The following WTIP variants were observed in gnomAD, a reference collection of about 807,000 sequenced individuals.
The protein encoded by WTIP is WT1 interacting protein.
Under a neutral mutation model 41.7 loss-of-function variants are expected in WTIP, and 23 were observed. The observed-to-expected ratio is 0.55, with a 90% CI of 0.40 to 0.78. The LOEUF (loss-of-function observed/expected upper bound fraction) is 0.78. Ranked by LOEUF, WTIP falls within the 30% of genes least tolerant of loss-of-function variation. WTIP has a pLI of 0.00. For missense variants in WTIP, 619 were observed against 610.5 expected (o/e 1.01, Z -0.15); for synonymous variants, 314 against 269.9 (o/e 1.16, Z -1.60).
chr19:34,486,666 G>A (rs1300272435), intron 1 of WTIP, among the ~76,000 whole-genome samples: 1 of 151,392 alleles, frequency 6.6e-6, no homozygotes, highest in Non-Finnish European at 1.5e-5. Flanking sequence ...GCGCCTGGCC[G>A]CCTTTGTCAG....
At chr19:34,486,598 C>A (rs894154328) in intron 1 of WTIP, among the ~76,000 whole-genome samples, 2 of 152,094 alleles carry the variant, frequency 1.3e-5, no homozygotes, top group Non-Finnish European at 2.9e-5. Context: ...CATCTCCTGA[C>A]CTCGTGATCT....
Position 34,482,039 on chromosome 19 carries a change from A to T in WTIP, c.65A>T (p.Glu22Val). 1 of 1,028,838 alleles carries T rather than the reference A, an allele frequency of 9.7e-7. No individual in the cohort carries two copies. The highest frequency in any genetic ancestry group is 1.2e-6 in the Non-Finnish European group (1 of 859,824). The allele number at this position is 1,028,838 out of a possible 1,614,324, so 63.7% of individuals were successfully genotyped here. A position where few individuals can be genotyped will look rare whatever the true frequency, so the allele number is the denominator to read the frequency against. ...ALLLAGLALR[E>V]LEPGCGSPGR... The stretch of plus-strand genomic sequence containing the variant: ...CTCCTGGCCGGGCTGGCCCTGCGGG[A>T]GCTGGAGCCCGGGTGCGGCTCTCCC... Residue 22 changes from glutamate to valine, a missense_variant, in exon 1 of 8, where the codon GAG (glutamate) becomes GTG (valine). Transcript: ENST00000590071.
intron 7 of WTIP, among the ~76,000 whole-genome samples, chr19:34,496,686 G>A (rs912167958): frequency 6.6e-6 from 1 of 151,602 alleles, no homozygotes; most frequent in African/African-American, 2.4e-5. Flanking sequence ...GGGGGTTGGG[G>A]GTTGGGAGGT....
chr19:34,494,559 C>T lies in WTIP; in HGVS notation c.1032-27C>T, dbSNP rs2075843199. The T allele has an allele frequency of 3.1e-6, 5 of 1,611,852 alleles. No homozygotes were observed. The East Asian group carries it at 1.1e-4, about 36-fold the overall frequency. On this transcript the variant is annotated intron_variant, in intron 5 of 7. Transcript: ENST00000590071. The stretch of plus-strand genomic sequence containing the variant: ...CTTGGCCTCTGGTCACTCAGCTGAT[C>T]ACTTCTGGTTTCCTTTATTTCTCTA...
rs536172656 is a variant in WTIP, at chr19:34,495,586, C to T, written c.1084-117C>T. 2.7e-4 allele frequency: 309 copies of T among 1,138,510 alleles called. 2 individuals are homozygous for T. Among genetic ancestry groups the T allele is most frequent in the South Asian group, 3.6e-4 (26 of 71,300 alleles). The allele number at this position is 1,138,510 out of a possible 1,614,324, so 70.5% of individuals were successfully genotyped here. A position where few individuals can be genotyped will look rare whatever the true frequency, so the allele number is the denominator to read the frequency against. ...ACAGAAGCAGCGTGGCAGTGCTCCC[C>T]GGGGCGGGCGTGCACCTCCGCCGGG... On this transcript the variant is annotated intron_variant, in intron 6 of 7. Coordinates refer to ENST00000590071, the MANE Select transcript of WTIP (RefSeq NM_001080436.2).
chr19:34,497,386 C>G (rs1194282920), intron 7 of WTIP, among the ~76,000 whole-genome samples: 1 of 152,160 alleles, frequency 6.6e-6, no homozygotes, highest in East Asian at 1.9e-4. Flanking sequence ...TAGCCTGTTG[C>G]TCTCGTTGTT....
At chr19:34,482,881 C>G (rs570189386) in intron 1 of WTIP, among the ~76,000 whole-genome samples, 182 of 152,222 alleles carry the variant, frequency 1.2e-3, no homozygotes, top group African/African-American at 4.3e-3. Context: ...CCCCGACACA[C>G]GAGGGGTTCT....
chr19:34,500,407 CGCGTGGAAGCTTCTATTTAT>C lies in WTIP; in HGVS notation c.*139_*158del. The C allele has an allele frequency of 8.3e-7, 1 of 1,198,478 alleles. No individual in the cohort carries two copies. The highest frequency in any genetic ancestry group is 1.1e-6 in the Non-Finnish European group (1 of 895,818). The allele number at this position is 1,198,478 out of a possible 1,614,324, so 74.2% of individuals were successfully genotyped here. ...CTGCTGTCTGCAGGGGCCGGACCCC[CGCGTGGAAGCTTCTATTTAT>C]TCACCGTCTGTGCCTGCTCAAGTCA... On this transcript the variant is annotated 3_prime_UTR_variant, in exon 8 of 8. Transcript: ENST00000590071.
intron 1 of WTIP, among the ~76,000 whole-genome samples, chr19:34,486,250 CG>C (rs1310632112): frequency 2.6e-5 from 4 of 152,082 alleles, no homozygotes; most frequent in Admixed American, 2.6e-4. Flanking sequence ...ACCCCCTCTG[CG>C]GCCACTATAC....
Position 34,509,689 on chromosome 19 carries a change from A to G in WTIP, c.*9420A>G, listed in dbSNP as rs1452109336. The G allele has an allele frequency of 6.6e-6, 1 of 152,228 alleles. No homozygotes were observed. Among genetic ancestry groups the G allele is most frequent in the East Asian group, 1.9e-4 (1 of 5,198 alleles). 9.4% of individuals were successfully genotyped at this position (152,228 alleles called of 1,614,324 possible). A position where few individuals can be genotyped will look rare whatever the true frequency, so the allele number is the denominator to read the frequency against. On this transcript the variant is annotated 3_prime_UTR_variant, in exon 8 of 8. Transcript: ENST00000590071. ...TCCAGAGTCCAAAGTCTAATCTGAGACAAGGCAAGGCCCTTCCACCTATGA... is the reference window on the plus strand; with the variant it reads ...TCCAGAGTCCAAAGTCTAATCTGAGGCAAGGCAAGGCCCTTCCACCTATGA...
At position 34,482,043 on chromosome 19, in the gene WTIP, G is replaced by A; in HGVS notation, c.69G>A (p.Leu23=). ...TGGCCGGGCTGGCCCTGCGGGAGCTGGAGCCCGGGTGCGGCTCTCCCGGTC... is the reference window on the plus strand; with the variant it reads ...TGGCCGGGCTGGCCCTGCGGGAGCTAGAGCCCGGGTGCGGCTCTCCCGGTC... ...LLLAGLALRE[L]EPGCGSPGRG... Residue 23 remains leucine (L), a synonymous_variant, in exon 1 of 8, where the codon CTG becomes CTA. Coordinates refer to ENST00000590071, the MANE Select transcript of WTIP (RefSeq NM_001080436.2). 1 of 1,031,226 alleles carries A rather than the reference G, an allele frequency of 9.7e-7. No homozygotes were observed. The highest frequency in any genetic ancestry group is 1.2e-6 in the Non-Finnish European group (1 of 860,930). The allele number at this position is 1,031,226 out of a possible 1,614,324, so 63.9% of individuals were successfully genotyped here. A position where few individuals can be genotyped will look rare whatever the true frequency, so the allele number is the denominator to read the frequency against.
rs1034346449 is a variant in WTIP, at chr19:34,511,057, T to G, written c.*10788T>G. On this transcript the variant is annotated 3_prime_UTR_variant, in exon 8 of 8. Transcript: ENST00000590071. ...GCCTGTTACCCAGTTCCAAAGTTGC[T>G]TCCACATTTTCGGGTATGTTTTCAG... 1 of 152,494 alleles carries G rather than the reference T, an allele frequency of 6.6e-6. No homozygotes were observed. Among genetic ancestry groups the G allele is most frequent in the Admixed American group, 6.5e-5 (1 of 15,288 alleles). The allele number at this position is 152,494 out of a possible 1,614,324, so 9.4% of individuals were successfully genotyped here. A position where few individuals can be genotyped will look rare whatever the true frequency, so the allele number is the denominator to read the frequency against.
chr19:34,482,926 C>T (rs2075776626), intron 1 of WTIP, among the ~76,000 whole-genome samples: 1 of 151,566 alleles, frequency 6.6e-6, no homozygotes, highest in Non-Finnish European at 1.5e-5. Context: ...CCTAACTTAA[C>T]AGGCAAGTCA....
chr19:34,484,335 C>T (rs1244183551), intron 1 of WTIP, among the ~76,000 whole-genome samples: 10 of 152,230 alleles, frequency 6.6e-5, no homozygotes, highest in Middle Eastern at 3.4e-3. Context: ...GAGATTGCCC[C>T]GCTCTTCCCC....
At chr19:34,499,408 T>A (rs2075872473) in intron 7 of WTIP, among the ~76,000 whole-genome samples, 1 of 151,762 alleles carries the variant, frequency 6.6e-6, no homozygotes, top group South Asian at 2.1e-4. Context: ...CTCAGGAGGC[T>A]GAGGTGGGAG....
At position 34,502,981 on chromosome 19, in the gene WTIP, T is replaced by A. The variant is rs2075895533; in HGVS notation, c.*2712T>A. ...GCCAACCCGGTCCTTCTCCTCCCCT[T>A]CCTTTGCATGTGCCATGGTGGGCCC... On this transcript the variant is annotated 3_prime_UTR_variant, in exon 8 of 8. Transcript: ENST00000590071. 6.6e-6 allele frequency: 1 copy of A among 152,490 alleles called. No individual in the cohort carries two copies. The highest frequency in any genetic ancestry group is 1.5e-5 in the Non-Finnish European group (1 of 68,318). 9.4% of individuals were successfully genotyped at this position (152,490 alleles called of 1,614,324 possible).
intron 1 of WTIP, among the ~76,000 whole-genome samples, chr19:34,485,133 G>C (rs1311163178): frequency 6.6e-6 from 1 of 151,996 alleles, no homozygotes; most frequent in Non-Finnish European, 1.5e-5. Flanking sequence ...GCCCAGGCTG[G>C]AGTGCAATGG....
At chr19:34,497,955 T>C (rs1454605346) in intron 7 of WTIP, among the ~76,000 whole-genome samples, 1 of 152,168 alleles carries the variant, frequency 6.6e-6, no homozygotes, top group Non-Finnish European at 1.5e-5. Flanking sequence ...GGCAGGCGGC[T>C]GGTGGTGGTG....
intron 7 of WTIP, among the ~76,000 whole-genome samples, chr19:34,499,148 G>C (rs1338091190): frequency 6.6e-6 from 1 of 152,044 alleles, no homozygotes; most frequent in Admixed American, 6.6e-5. Flanking sequence ...CCAGGAGTTT[G>C]AGGCTGCAGT....
Sources: allele counts gnomAD v4.1 joint callset (sites outside exome capture counted in the v4.1 genomes callset), GRCh38; gene constraint gnomAD v4.1.1; transcripts MANE v1.5; gene names NCBI Gene and HGNC (gene_info 2026-07-23, HGNC 2026-07-21).